AKAP6: variants seen among roughly 807,000 people sequenced by gnomAD.
The protein encoded by AKAP6 is A-kinase anchor protein 6.
AKAP6 carries 58 observed loss-of-function variants against 188.5 expected under a neutral mutation model. The ratio of observed to expected loss-of-function variants is 0.31; its 90% confidence interval spans 0.25 to 0.38. The LOEUF (loss-of-function observed/expected upper bound fraction) is 0.38. Ranked by LOEUF, AKAP6 falls within the 10% of genes least tolerant of loss-of-function variation. AKAP6 has a pLI of 1.00. For synonymous variants in AKAP6, 989 were observed against 998.6 expected, an observed-to-expected ratio of 0.99 and a Z score of 0.18; for missense variants, 2,710 against 2,740.0, an observed-to-expected ratio of 0.99 and a Z score of 0.24.
At chr14:32,456,239 T>C (rs12588555) in intron 2 of AKAP6, among the ~76,000 whole-genome samples, 5,636 of 152,270 alleles carry the variant, frequency 0.037, 125 homozygotes, top group East Asian at 0.1. Context: ...ACATTCACCA[T>C]GGTTTAATTT....
chr14:32,442,992 T>A (rs1890631434), intron 2 of AKAP6, among the ~76,000 whole-genome samples: 1 of 152,014 alleles, frequency 6.6e-6, no homozygotes, highest in African/African-American at 2.4e-5. Flanking sequence ...GAAATGAACA[T>A]CTTTAATGAT....
chr14:32,444,057 A>G (rs1317550495), intron 2 of AKAP6, among the ~76,000 whole-genome samples: 1 of 152,230 alleles, frequency 6.6e-6, no homozygotes, highest in Admixed American at 6.5e-5. Flanking sequence ...GAAAGACCAC[A>G]AAAATTTAAA....
At chr14:32,677,356 C>CCAGAA (rs1889476552) in intron 7 of AKAP6, among the ~76,000 whole-genome samples, 1 of 152,056 alleles carries the variant, frequency 6.6e-6, no homozygotes. Flanking sequence ...AACAGCTGAC[C>CCAGAA]CAGAAATGTT....
chr14:32,761,475 G>A (rs758748252), intron 11 of AKAP6, among the ~76,000 whole-genome samples: 6 of 152,164 alleles, frequency 3.9e-5, no homozygotes, highest in African/African-American at 7.2e-5. Context: ...GGAAAAATAA[G>A]GCTTGCTAGA....
At chr14:32,358,512 G>A (rs1240039195) in intron 1 of AKAP6, among the ~76,000 whole-genome samples, 1 of 151,962 alleles carries the variant, frequency 6.6e-6, no homozygotes, top group South Asian at 2.1e-4. Context: ...TTTGGTTTCT[G>A]ACCTGTGTTG....
chr14:32,587,748 G>C (rs1318719344), intron 5 of AKAP6, among the ~76,000 whole-genome samples: 1 of 152,156 alleles, frequency 6.6e-6, no homozygotes, highest in Non-Finnish European at 1.5e-5. Flanking sequence ...TATAGCACAG[G>C]ACAGCCCACT....
At chr14:32,538,821 A>G (rs1475838494) in intron 3 of AKAP6, among the ~76,000 whole-genome samples, 1 of 152,182 alleles carries the variant, frequency 6.6e-6, no homozygotes, top group Non-Finnish European at 1.5e-5. Context: ...ACAAACCTGC[A>G]CATCCTGCAC....
intron 5 of AKAP6, among the ~76,000 whole-genome samples, chr14:32,594,469 A>G (rs1885609016): frequency 6.6e-6 from 1 of 152,188 alleles, no homozygotes; most frequent in Non-Finnish European, 1.5e-5. Flanking sequence ...AGGTTCTTAA[A>G]TGCTTACTCA....
rs71432079 is a variant in AKAP6 at position 32,724,990 on chromosome 14, T to TAAAAAAAAAAAAAAAAAAAAAA, written c.3001-7458_3001-7437dup. 8.6e-5 allele frequency among the ~76,000 whole-genome samples: 3 copies of TAAAAAAAAAAAAAAAAAAAAAA among 34,914 alleles called. 1 individual carries two copies. The highest frequency in any genetic ancestry group is 3.8e-4 in the African/African-American group (3 of 7,954). 22.9% of individuals were successfully genotyped at this position (34,914 alleles called of 152,430 possible). On this transcript the variant is annotated intron_variant, in intron 9 of 13. Transcript: ENST00000280979. ...GGCTTTGTGTCATTTATATTCAACC[T>TAAAAAAAAAAAAAAAAAAAAAA]AAAAAAAAAAAAAAAAAAAAAAAAA...
chr14:32,642,819 C>T (rs1887817113), intron 7 of AKAP6, among the ~76,000 whole-genome samples: 1 of 152,104 alleles, frequency 6.6e-6, no homozygotes, highest in African/African-American at 2.4e-5. Context: ...TAACATTACT[C>T]AGGTAAATCC....
At chr14:32,482,223 A>G (rs1292341392) in intron 2 of AKAP6, among the ~76,000 whole-genome samples, 2 of 152,218 alleles carry the variant, frequency 1.3e-5, no homozygotes, top group Non-Finnish European at 2.9e-5. Flanking sequence ...CTATCTGAGA[A>G]TAAAAGCCTG....
intron 2 of AKAP6, among the ~76,000 whole-genome samples, chr14:32,511,846 T>C (rs1176921758): frequency 6.6e-6 from 1 of 152,208 alleles, no homozygotes; most frequent in African/African-American, 2.4e-5. Context: ...AATTTTATCT[T>C]TAATAGTGTA....
intron 4 of AKAP6, among the ~76,000 whole-genome samples, chr14:32,551,445 A>G (rs765299307): frequency 2.6e-5 from 4 of 151,104 alleles, no homozygotes; most frequent in Admixed American, 6.6e-5. Context: ...GATGGTGTGC[A>G]CCTGTAATCC....
At chr14:32,557,975 C>T (rs971767267) in intron 4 of AKAP6, among the ~76,000 whole-genome samples, 52 of 152,088 alleles carry the variant, frequency 3.4e-4, no homozygotes, top group Admixed American at 4.6e-4. Flanking sequence ...CTCTTCATTA[C>T]CATTCAAACT....
At chr14:32,803,244 G>A (rs964873258) in intron 12 of AKAP6, among the ~76,000 whole-genome samples, 2 of 148,706 alleles carry the variant, frequency 1.3e-5, no homozygotes, top group African/African-American at 5.0e-5. Context: ...AGGAGTTCAA[G>A]ACCAGCCTGG....
At chr14:32,513,842 A>G (rs1405728972) in intron 2 of AKAP6, among the ~76,000 whole-genome samples, 1 of 152,192 alleles carries the variant, frequency 6.6e-6, no homozygotes, top group Non-Finnish European at 1.5e-5. Context: ...TTTTCTATAT[A>G]GAACTCTTTT....
intron 2 of AKAP6, among the ~76,000 whole-genome samples, chr14:32,457,901 A>G (rs1404817274): frequency 6.6e-6 from 1 of 152,176 alleles, no homozygotes; most frequent in South Asian, 2.1e-4. Flanking sequence ...TGCAAAGCTG[A>G]CTTGGTCATT....
chr14:32,695,143 A>G (rs75345488), intron 8 of AKAP6, among the ~76,000 whole-genome samples: 2,729 of 152,298 alleles, frequency 0.018, 87 homozygotes, highest in African/African-American at 0.063. Flanking sequence ...TGAAAACCAT[A>G]GTGATCCTCC....
intron 5 of AKAP6, among the ~76,000 whole-genome samples, chr14:32,596,616 C>T (rs963287713): frequency 4.6e-5 from 7 of 152,090 alleles, no homozygotes; most frequent in Non-Finnish European, 8.8e-5. Flanking sequence ...TAATCAGTGC[C>T]ATAGGACCAT....
Sources: gnomAD v4.1 joint callset for allele counts (sites outside exome capture counted in the v4.1 genomes callset) on GRCh38, gnomAD v4.1.1 for gene constraint, MANE v1.5 for transcripts, NCBI Gene and HGNC (gene_info 2026-07-23, HGNC 2026-07-21) for gene names.